AMZ2: variants seen among roughly 807,000 people sequenced by gnomAD.
The protein encoded by AMZ2 is archaelysin family metallopeptidase 2.
AMZ2 carries 26 observed loss-of-function variants against 36.7 expected under a neutral mutation model. That is an observed-to-expected ratio of 0.71 (90% CI 0.52 to 0.98). The LOEUF is 0.98. Among genes scored for constraint, AMZ2 ranks in the 50% least tolerant of loss-of-function variants. The pLI is 0.00. For synonymous variants in AMZ2, 144 were observed against 149.1 expected, an observed-to-expected ratio of 0.97 and a Z score of 0.25; for missense variants, 394 against 430.5, an observed-to-expected ratio of 0.92 and a Z score of 0.75.
At chr17:68,249,042 G>A in intron 1 of AMZ2, 1 of 1,183,312 alleles carries the variant, frequency 8.5e-7, no homozygotes, top group Non-Finnish European at 1.0e-6. Context: ...CCATTCAAGA[G>A]GAAGGATGAA....
At chr17:68,247,336 CAAAAAAAAAAA>C (rs71142158), upstream of AMZ2, 2 of 78,204 alleles carry the variant, frequency 2.6e-5, no homozygotes, top group African/African-American at 5.4e-5. Flanking sequence ...ACTCCGTCTC[CAAAAAAAAAAA>C]AAAAAAAAAA....
chr17:68,210,371 C>T (rs189428308), intron 1 of AMZ2, among the ~76,000 whole-genome samples: 1 of 152,114 alleles, frequency 6.6e-6, no homozygotes, highest in South Asian at 2.1e-4. Flanking sequence ...AAGGAAATTC[C>T]GACATGTTAC....
intron 1 of AMZ2, among the ~76,000 whole-genome samples, chr17:68,210,283 G>C (rs1555725604): frequency 6.6e-6 from 1 of 152,228 alleles, no homozygotes; most frequent in African/African-American, 2.4e-5. Context: ...GGTGGAAACA[G>C]CCTACATGTG....
chr17:68,244,938 C>A (rs1334138481), upstream of AMZ2, among the ~76,000 whole-genome samples: 2 of 152,012 alleles, frequency 1.3e-5, no homozygotes, highest in Admixed American at 6.6e-5. Flanking sequence ...TGGTGTTTAT[C>A]TTTTCTGTGC....
chr17:68,244,889 G>C (rs371285932), upstream of AMZ2, among the ~76,000 whole-genome samples: 1 of 152,018 alleles, frequency 6.6e-6, no homozygotes, highest in Non-Finnish European at 1.5e-5. Flanking sequence ...TGGACCATTC[G>C]GGTTATATGG....
At chr17:68,213,462 G>T (rs1555726530) in intron 1 of AMZ2, among the ~76,000 whole-genome samples, 1 of 152,228 alleles carries the variant, frequency 6.6e-6, no homozygotes, top group Non-Finnish European at 1.5e-5. Context: ...AGGATGAAAT[G>T]AGTGTCAGAG....
In AMZ2 at chr17:68,254,479, T is replaced by C. The variant is rs1279358440; in HGVS notation, c.662T>C (p.Leu221Pro). ...CACTATAAAGGCAAAGTGAAGAAGC[T>C]CAAGAAAACATCTTCAAGTGACTAT... is the stretch of plus-strand genomic sequence containing the variant. ...SMHYKGKVKK[L>P]KKTSSSDYSI... The change falls in exon 5 of 7, where the codon CTC (leucine) becomes CCC (proline). Residue 221 changes from leucine (L) to proline (P), a missense_variant. By Grantham distance (98) the Leu-to-Pro change is moderately conservative. Transcript: ENST00000359904. The C allele has an allele frequency of 1.2e-6, 2 of 1,613,584 alleles. No individual in the cohort carries two copies. The highest frequency in any genetic ancestry group is 1.7e-5 in the Admixed American group (1 of 59,998).
Position 68,241,821 on chromosome 17 carries a change from T to C in AMZ2, c.-66-6819T>C, listed in dbSNP as rs1308792097. 6.6e-5 allele frequency among the ~76,000 whole-genome samples: 10 copies of C among 151,570 alleles called. No individual in the cohort carries two copies. The East Asian group carries it at 1.9e-3, about 29-fold the overall frequency. On this transcript the variant is annotated intron_variant, in intron 1 of 7. Coordinates refer to the AMZ2 transcript ENST00000674770. ...GAACCTGCAACCTCTGCGTCCCAGGTTCAAGCGATTCTCCTGCCTCAGCCT... is the reference window on the plus strand; with the variant it reads ...GAACCTGCAACCTCTGCGTCCCAGGCTCAAGCGATTCTCCTGCCTCAGCCT...
Position 68,248,723 on chromosome 17 carries a change from A to C in AMZ2, c.-1+18A>C, listed in dbSNP as rs2074209738. The C allele has an allele frequency of 1.0e-5, 10 of 988,632 alleles. No individual in the cohort carries two copies. The South Asian group carries it at 4.2e-4, about 42-fold the overall frequency. The allele number at this position is 988,632 out of a possible 1,614,324, so 61.2% of individuals were successfully genotyped here. A position where few individuals can be genotyped will look rare whatever the true frequency, so the allele number is the denominator to read the frequency against. ...TAATCAAGGTAGGTAGACTACAGGA[A>C]GGTACATCTTGTTTTATATTTTGTC... On this transcript the variant is annotated intron_variant, in intron 1 of 6. Coordinates refer to ENST00000359904, the MANE Select transcript of AMZ2 (RefSeq NM_016627.5).
Position 68,235,831 on chromosome 17 carries a change from T to TA in AMZ2, c.-66-12808dup, listed in dbSNP as rs1555732388. 6.7e-6 allele frequency among the ~76,000 whole-genome samples: 1 copy of TA among 149,332 alleles called. No homozygotes were observed. The highest frequency in any genetic ancestry group is 1.5e-5 in the Non-Finnish European group (1 of 66,804). On this transcript the variant is annotated intron_variant, in intron 1 of 7. Coordinates refer to the AMZ2 transcript ENST00000674770. The surrounding 1 kb of genome is among the most constrained non-coding windows in gnomAD (Gnocchi z 4.2). ...CCCTCCAAGACTTAGCCCAAAATCT[T>TA]ACTTTTTTTTTTTTTCGAGATAGTT...
chr17:68,252,800 A>C (rs573162169), intron 4 of AMZ2, among the ~76,000 whole-genome samples: 1 of 152,306 alleles, frequency 6.6e-6, no homozygotes, highest in South Asian at 2.1e-4. Context: ...CTTTGATTAC[A>C]GGTGTGAGTC....
chr17:68,247,846 G>A (rs1371098499), upstream of AMZ2: 2 of 985,416 alleles, frequency 2.0e-6, no homozygotes, highest in Admixed American at 6.1e-5. Context: ...GGGGCTTGTA[G>A]TCCCCTCGCT....
upstream of AMZ2, among the ~76,000 whole-genome samples, chr17:68,246,290 C>T (rs1399782694): frequency 9.2e-5 from 14 of 151,568 alleles, no homozygotes; most frequent in African/African-American, 3.2e-4. Context: ...ATCGCTTGAA[C>T]CCAGGAAGCA....
At chr17:68,238,063 A>T (rs558232448) in intron 1 of AMZ2, among the ~76,000 whole-genome samples, 2 of 152,248 alleles carry the variant, frequency 1.3e-5, no homozygotes, top group African/African-American at 4.8e-5. Flanking sequence ...TTGAAAGAAA[A>T]ACTGAAAATT....
chr17:68,209,581 G>GGT (rs71142139), intron 1 of AMZ2, among the ~76,000 whole-genome samples: 1,319 of 106,732 alleles, frequency 0.012, 28 homozygotes, highest in South Asian at 0.028. Context: ...AATAATTGTG[G>GGT]GTGTGTGTGT....
intron 1 of AMZ2, among the ~76,000 whole-genome samples, chr17:68,232,582 G>T (rs1175745376): frequency 6.6e-6 from 1 of 151,956 alleles, no homozygotes; most frequent in Non-Finnish European, 1.5e-5. Flanking sequence ...TTTGGATCAT[G>T]CCTATAATCC....
At chr17:68,229,250 C>G (rs1555730647) in intron 1 of AMZ2, among the ~76,000 whole-genome samples, 1 of 152,136 alleles carries the variant, frequency 6.6e-6, no homozygotes, top group African/African-American at 2.4e-5. Context: ...CAAACGCAGC[C>G]CCCCATGATG....
rs376600057 is a variant in AMZ2, at chr17:68,256,763, A to G, written c.928-51A>G. ...GAAGCCAATGCTTCTCTCTTGCCTG[A>G]TGGTATTTTGCTGTGGTTTGTTGAA... On this transcript the variant is annotated intron_variant, in intron 6 of 6. Transcript: ENST00000359904. 3.6e-4 allele frequency: 567 copies of G among 1,581,058 alleles called. 2 individuals are homozygous for G. The highest frequency in any genetic ancestry group is 3.7e-4 in the Non-Finnish European group (432 of 1,161,158).
chr17:68,250,962 A>T lies in AMZ2; in HGVS notation c.452A>T (p.His151Leu), dbSNP rs782021679. The T allele has an allele frequency of 1.2e-6, 2 of 1,612,310 alleles. No homozygotes were observed. Among genetic ancestry groups the T allele is most frequent in the Non-Finnish European group, 1.7e-6 (2 of 1,179,570 alleles). Residue 151 changes from histidine (H) to leucine (L), a missense_variant, in exon 3 of 7, where the codon CAT becomes CTT. Physicochemically the swap from His to Leu is moderately conservative, Grantham distance 99. Coordinates refer to ENST00000359904, the MANE Select transcript of AMZ2 (RefSeq NM_016627.5). Reference protein sequence around the residue: ...VNENTHNLQIHAGDILKFLKK... With the variant: ...VNENTHNLQILAGDILKFLKK... ...GAGAACACACACAACCTACAAATTC[A>T]TGCAGGTGAATTACACGACTTTGCA...
Sources: gnomAD v4.1 joint callset for allele counts (sites outside exome capture counted in the v4.1 genomes callset) on GRCh38, gnomAD v4.1.1 for gene constraint, Gnocchi (gnomAD v3.1) non-coding constraint, MANE v1.5 for transcripts, NCBI Gene and HGNC (gene_info 2026-07-23, HGNC 2026-07-21) for gene names.